Variants in KIF18A observed in about 807,000 individuals in gnomAD.
KIF18A encodes the protein kinesin family member 18A.
KIF18A carries 67 observed loss-of-function variants against 103.3 expected under a neutral mutation model. That is an observed-to-expected ratio of 0.65 (90% CI 0.53 to 0.79). KIF18A has a LOEUF of 0.79. Among genes scored for constraint, KIF18A ranks in the 30% least tolerant of loss-of-function variants. The probability of loss-of-function intolerance (pLI) is 0.00; values close to 1 mark genes in which losing one functional copy is unlikely to be tolerated. For missense variants in KIF18A, 1,032 were observed against 1,062.5 expected, an observed-to-expected ratio of 0.97 and a Z score of 0.40; for synonymous variants, 367 against 355.5, an observed-to-expected ratio of 1.03 and a Z score of -0.36.
chr11:28,046,103 C>A (rs35043339), intron 13 of KIF18A, among the ~76,000 whole-genome samples: 41,963 of 148,784 alleles, frequency 0.28, 6,678 homozygotes, highest in African/African-American at 0.43. Flanking sequence ...GTGGGACTGT[C>A]AACTAGTTCA....
chr11:28,094,477 TA>T (rs201296054), intron 3 of KIF18A, among the ~76,000 whole-genome samples, 165 bp downstream of exon 3: 298 of 137,150 alleles, frequency 2.2e-3, no homozygotes, highest in South Asian at 9.2e-3. Context: ...TTTGCCAAAG[TA>T]AAAAAAAAAA....
intron 13 of KIF18A, among the ~76,000 whole-genome samples, chr11:28,058,302 C>A (rs1166442770): frequency 6.6e-6 from 1 of 151,282 alleles, no homozygotes; most frequent in Admixed American, 6.6e-5. Flanking sequence ...TAATTTCCTG[C>A]CCTTAATAGA....
intron 1 of KIF18A, among the ~76,000 whole-genome samples, chr11:28,107,565 G>T (rs1020096210): frequency 6.6e-6 from 1 of 152,180 alleles, no homozygotes; most frequent in African/African-American, 2.4e-5. Context: ...TGGGGCTCAG[G>T]AGGGGTTCCC....
At chr11:28,066,467 G>C (rs987220405) in intron 11 of KIF18A, among the ~76,000 whole-genome samples, 1 of 151,836 alleles carries the variant, frequency 6.6e-6, no homozygotes, top group Non-Finnish European at 1.5e-5. Context: ...TATATCCTCT[G>C]ATCCTAGCTA....
intron 10 of KIF18A, among the ~76,000 whole-genome samples, chr11:28,069,864 T>C (rs2133539136): frequency 6.6e-6 from 1 of 152,260 alleles, no homozygotes; most frequent in South Asian, 2.1e-4. Context: ...TGTTTGCCTA[T>C]AAGGCCTCAA....
chr11:28,107,592 A>T (rs1221514165), intron 1 of KIF18A, among the ~76,000 whole-genome samples: 1 of 152,158 alleles, frequency 6.6e-6, no homozygotes, highest in African/African-American at 2.4e-5. Context: ...CCAGTGCAAG[A>T]CTAACAGTTA....
At position 28,073,241 on chromosome 11, in the gene KIF18A, G is replaced by A. The variant is rs1003490687; in HGVS notation, c.1425+3766C>T. On this transcript the variant is annotated intron_variant, in intron 10 of 16. Coordinates refer to ENST00000263181, the MANE Select transcript of KIF18A (RefSeq NM_031217.4). ...TGGGTAAGGGAGTGGGAATTGGCAC[G>A]AAGTTTTGAGTATAGTTATGCATTT... Among the ~76,000 whole-genome samples the A allele has an allele frequency of 6.6e-5, 10 of 152,060 alleles. No homozygotes were observed. In the South Asian group the frequency reaches 8.3e-4, roughly 13 times the overall value.
chr11:28,073,738 T>C (rs972605794), intron 10 of KIF18A, among the ~76,000 whole-genome samples: 4 of 152,188 alleles, frequency 2.6e-5, no homozygotes, highest in Non-Finnish European at 4.4e-5. Flanking sequence ...TATAGTGCCT[T>C]ATCATTTTTA....
chr11:28,047,638 G>A (rs2133510630), intron 13 of KIF18A, among the ~76,000 whole-genome samples: 1 of 152,226 alleles, frequency 6.6e-6, no homozygotes, highest in African/African-American at 2.4e-5. Context: ...CAGAGTTGGA[G>A]TCATGTTTCT....
Position 28,084,777 on chromosome 11 carries a change from C to T in KIF18A, c.929G>A (p.Ser310Asn). Reference protein sequence around the residue: ...RKNQHIPYRNSKLTRLLKDSL... With the variant: ...RKNQHIPYRNNKLTRLLKDSL... The stretch of plus-strand genomic sequence containing the variant: ...ATCCTTTAACAAGCGAGTAAGCTTA[C>T]TATTTCTGTAAGGGATATGCTGATT... Residue 310 changes from serine to asparagine, a missense_variant, in exon 7 of 17, where the codon AGT (serine) becomes AAT (asparagine). Ser to Asn is a conservative substitution (Grantham distance 46). Coordinates refer to ENST00000263181, the MANE Select transcript of KIF18A (RefSeq NM_031217.4). 6.2e-7 allele frequency: 1 copy of T among 1,612,922 alleles called. No homozygotes were observed. Among genetic ancestry groups the T allele is most frequent in the Non-Finnish European group, 8.5e-7 (1 of 1,179,206 alleles).
At chr11:28,088,871 C>G (rs1207778544) in intron 5 of KIF18A, 150 bp from the exon 6 acceptor site, 4 of 644,784 alleles carry the variant, frequency 6.2e-6, no homozygotes, top group East Asian at 2.8e-5. Flanking sequence ...TTTAAGAGCA[C>G]TATAAGTAAT....
intron 13 of KIF18A, among the ~76,000 whole-genome samples, chr11:28,056,473 A>C (rs1850781873): frequency 6.6e-6 from 1 of 152,094 alleles, no homozygotes; most frequent in Non-Finnish European, 1.5e-5. Flanking sequence ...ACAATGGGAA[A>C]GTGCCATGCA....
At chr11:28,056,133 T>C (rs905359923) in intron 13 of KIF18A, among the ~76,000 whole-genome samples, 3 of 151,190 alleles carry the variant, frequency 2.0e-5, no homozygotes, top group Non-Finnish European at 4.4e-5. Context: ...AAAAAGTCTA[T>C]ATGTTCAGTA....
intron 9 of KIF18A, among the ~76,000 whole-genome samples, chr11:28,081,845 T>G (rs1402867287): frequency 6.6e-6 from 1 of 152,176 alleles, no homozygotes; most frequent in Non-Finnish European, 1.5e-5. Context: ...GAATTTGCCA[T>G]TGTAGATGCC....
intron 10 of KIF18A, among the ~76,000 whole-genome samples, chr11:28,076,062 C>T (rs1851087566): frequency 6.6e-6 from 1 of 151,780 alleles, no homozygotes; most frequent in African/African-American, 2.4e-5. Context: ...GGATATAGGC[C>T]ACTGAAATTT....
chr11:28,083,106 G>C, intron 8 of KIF18A, 63 bp downstream of exon 8: 1 of 1,543,384 alleles, frequency 6.5e-7, no homozygotes, highest in African/African-American at 1.4e-5. Context: ...GGACAATTAA[G>C]ATTATAAAAT....
chr11:28,086,650 G>A (rs1435071503), intron 6 of KIF18A, among the ~76,000 whole-genome samples: 2 of 152,104 alleles, frequency 1.3e-5, no homozygotes, highest in African/African-American at 2.4e-5. Context: ...CCAGAAATAG[G>A]TCCTAGTTCC....
At chr11:28,062,571 A>C in intron 11 of KIF18A, 55 bp from the exon 12 acceptor site, 1 of 1,353,956 alleles carries the variant, frequency 7.4e-7, no homozygotes, top group Non-Finnish European at 9.9e-7. Context: ...ATTGAAATTA[A>C]ATCAGTTTAA....
chr11:28,090,710 T>G lies in KIF18A; in HGVS notation c.606A>C (p.Glu202Asp). The G allele has an allele frequency of 1.2e-6, 2 of 1,601,132 alleles. No homozygotes were observed. Among genetic ancestry groups the G allele is most frequent in the Non-Finnish European group, 8.6e-7 (1 of 1,169,374 alleles). ...LTLHQPKSSE[E>D]ILHLLDNGNK... ...TTCCATTATCCAATAAATGTAAAATTTCTTCTGAGGATTTGGGCTGGAGAA... is the reference window on the plus strand; with the variant it reads ...TTCCATTATCCAATAAATGTAAAATGTCTTCTGAGGATTTGGGCTGGAGAA... The change falls in exon 5 of 17, where the codon GAA (glutamate) becomes GAC (aspartate). Residue 202 changes from glutamate to aspartate, a missense_variant. Physicochemically the swap from Glu to Asp is conservative, Grantham distance 45. Coordinates refer to ENST00000263181, the MANE Select transcript of KIF18A (RefSeq NM_031217.4).
Sources: gnomAD v4.1 joint callset for allele counts (sites outside exome capture counted in the v4.1 genomes callset) on GRCh38, gnomAD v4.1.1 for gene constraint, MANE v1.5 for transcripts, NCBI Gene and HGNC (gene_info 2026-07-23, HGNC 2026-07-21) for gene names.